ARHGEF28: variants seen among roughly 807,000 people sequenced by gnomAD.
ARHGEF28 encodes the protein Rho guanine nucleotide exchange factor 28, also known as 190 kDa guanine nucleotide exchange factor.
Under a neutral mutation model 206.6 loss-of-function variants are expected in ARHGEF28, and 152 were observed. The observed-to-expected ratio is 0.74, with a 90% CI of 0.64 to 0.84. The LOEUF is 0.84. ARHGEF28 is among the 40% of genes least tolerant of loss of function. The probability of loss-of-function intolerance (pLI) is 0.00; values close to 1 mark genes in which losing one functional copy is unlikely to be tolerated. For missense variants in ARHGEF28, 2,028 were observed against 2,073.2 expected, an observed-to-expected ratio of 0.98 and a Z score of 0.42; for synonymous variants, 763 against 776.4, an observed-to-expected ratio of 0.98 and a Z score of 0.29.
intron 9 of ARHGEF28, among the ~76,000 whole-genome samples, chr5:73,808,238 A>G (rs1483591260): frequency 6.6e-6 from 1 of 152,120 alleles, no homozygotes; most frequent in Admixed American, 6.5e-5. Flanking sequence ...TCTGTAAAAA[A>G]TAAAAAGTGC....
chr5:73,738,850 A>G (rs1456187350), intron 2 of ARHGEF28, among the ~76,000 whole-genome samples: 1 of 152,220 alleles, frequency 6.6e-6, no homozygotes, highest in Admixed American at 6.5e-5. Flanking sequence ...ATTTGACATA[A>G]ATCTGTAGAC....
intron 9 of ARHGEF28, chr5:73,813,631 T>C: frequency 6.5e-7 from 1 of 1,535,900 alleles, no homozygotes; most frequent in South Asian, 1.2e-5. Flanking sequence ...CTCGTGGCCT[T>C]CCTTTCCCAA....
chr5:73,674,762 G>A (rs895344336), intron 1 of ARHGEF28, among the ~76,000 whole-genome samples: 6 of 152,164 alleles, frequency 3.9e-5, no homozygotes, highest in Non-Finnish European at 8.8e-5. Context: ...GATCACAAAT[G>A]GCCAATGATG....
intron 7 of ARHGEF28, among the ~76,000 whole-genome samples, chr5:73,792,149 A>G (rs1389589898): frequency 6.6e-6 from 1 of 152,232 alleles, no homozygotes; most frequent in Non-Finnish European, 1.5e-5. Flanking sequence ...ATATTTTTAA[A>G]TGATTTTTGG....
rs576864804 is a variant in ARHGEF28 at position 73,809,982 on chromosome 5, A to G, written c.1024+14591A>G. On this transcript the variant is annotated intron_variant, in intron 9 of 35. Transcript: ENST00000513042. The stretch of plus-strand genomic sequence containing the variant: ...GAGATGTAAATAGCATCTTGAATTA[A>G]TTTAAATGCAATTATATTGATAAAC... Among the ~76,000 whole-genome samples, 6 of 152,350 alleles carry G rather than the reference A, an allele frequency of 3.9e-5. No homozygotes were observed. The South Asian group carries it at 1.2e-3, about 32-fold the overall frequency.
intron 35 of ARHGEF28, among the ~76,000 whole-genome samples, chr5:73,939,223 G>A (rs1392198040): frequency 6.6e-6 from 1 of 152,184 alleles, no homozygotes; most frequent in Non-Finnish European, 1.5e-5. Flanking sequence ...CCTGTAAATT[G>A]TGGGTTTTAG....
chr5:73,914,001 A>G (rs1763064719), intron 35 of ARHGEF28, among the ~76,000 whole-genome samples: 1 of 152,194 alleles, frequency 6.6e-6, no homozygotes, highest in Non-Finnish European at 1.5e-5. Context: ...GGCTGATGGG[A>G]AAAATTGTAT....
Position 73,652,283 on chromosome 5 carries a change from A to T in ARHGEF28, c.-12+25961A>T, listed in dbSNP as rs145845288. On this transcript the variant is annotated intron_variant, in intron 1 of 35. Transcript: ENST00000513042. Reference sequence around the variant, plus strand: ...AATGGCAACTAAAAGTCTGATGAGGAGTTTAGAACTAGCAGAAAATTCTTA... The same window carrying T: ...AATGGCAACTAAAAGTCTGATGAGGTGTTTAGAACTAGCAGAAAATTCTTA... 3.2e-3 allele frequency among the ~76,000 whole-genome samples: 494 copies of T among 152,316 alleles called. 5 individuals carry two copies. The highest frequency in any genetic ancestry group is 0.011 in the African/African-American group (474 of 41,556).
intron 6 of ARHGEF28, among the ~76,000 whole-genome samples, chr5:73,778,708 TG>T (rs1397798956): frequency 6.6e-6 from 1 of 152,224 alleles, no homozygotes; most frequent in Non-Finnish European, 1.5e-5. Context: ...CTAAATTTTT[TG>T]TGATGCATAT....
At chr5:73,655,172 C>G (rs954116741) in intron 1 of ARHGEF28, among the ~76,000 whole-genome samples, 1 of 152,182 alleles carries the variant, frequency 6.6e-6, no homozygotes, top group Non-Finnish European at 1.5e-5. Flanking sequence ...ACAATGTGCT[C>G]AATTCTATGG....
At chr5:73,785,539 A>G (rs1362042458) in intron 7 of ARHGEF28, among the ~76,000 whole-genome samples, 1 of 152,140 alleles carries the variant, frequency 6.6e-6, no homozygotes. Context: ...CAGATCATTC[A>G]TGCCTCCCTC....
intron 9 of ARHGEF28, chr5:73,813,396 G>C (rs1755964341): frequency 8.7e-7 from 1 of 1,151,698 alleles, no homozygotes; most frequent in African/African-American, 1.6e-5. Flanking sequence ...CCTCCTTGTC[G>C]GTCTACACGC....
chr5:73,839,925 C>T (rs1031740522), intron 10 of ARHGEF28, among the ~76,000 whole-genome samples: 1 of 152,122 alleles, frequency 6.6e-6, no homozygotes, highest in African/African-American at 2.4e-5. Flanking sequence ...TTGAATGAAG[C>T]TGTATAGTCT....
chr5:73,810,022 C>G lies in ARHGEF28; in HGVS notation c.1024+14631C>G, dbSNP rs76134854. Among the ~76,000 whole-genome samples, 1,267 of 151,964 alleles carry G rather than the reference C, an allele frequency of 8.3e-3. 16 individuals are homozygous for G. Among genetic ancestry groups the G allele is most frequent in the East Asian group, 0.03 (157 of 5,174 alleles). On this transcript the variant is annotated intron_variant, in intron 9 of 35. Transcript: ENST00000513042. ...TATTGATAAACTACAGAAAAAAAAC[C>G]CACTTCAATTACTATAGAAAACAAG...
At chr5:73,934,152 A>G (rs2112039502) in intron 35 of ARHGEF28, among the ~76,000 whole-genome samples, 1 of 152,312 alleles carries the variant, frequency 6.6e-6, no homozygotes, top group South Asian at 2.1e-4. Context: ...AGACAGGTTC[A>G]ATTATTTTCT....
intron 2 of ARHGEF28, among the ~76,000 whole-genome samples, chr5:73,730,274 C>T (rs988991386): frequency 5.3e-5 from 8 of 151,930 alleles, no homozygotes; most frequent in African/African-American, 1.7e-4. Flanking sequence ...ATCTGTGACC[C>T]GCAGAGAAGT....
chr5:73,757,052 A>T (rs1477259330), intron 4 of ARHGEF28, among the ~76,000 whole-genome samples: 1 of 152,052 alleles, frequency 6.6e-6, no homozygotes, highest in Non-Finnish European at 1.5e-5. Flanking sequence ...ACTAATCTTG[A>T]GCTGTTTTGG....
intron 35 of ARHGEF28, among the ~76,000 whole-genome samples, chr5:73,928,182 G>A (rs923796087): frequency 6.6e-6 from 1 of 152,178 alleles, no homozygotes; most frequent in Non-Finnish European, 1.5e-5. Flanking sequence ...ACTTCGGGAG[G>A]CCGAGGCCAG....
At chr5:73,777,687 T>C (rs986663994) in intron 6 of ARHGEF28, among the ~76,000 whole-genome samples, 2 of 152,178 alleles carry the variant, frequency 1.3e-5, no homozygotes, top group East Asian at 3.9e-4. Flanking sequence ...TGCTGGGTTT[T>C]AGGGAATTTG....
Sources: allele counts gnomAD v4.1 joint callset (sites outside exome capture counted in the v4.1 genomes callset), GRCh38; gene constraint gnomAD v4.1.1; transcripts MANE v1.5; gene names NCBI Gene and HGNC (gene_info 2026-07-23, HGNC 2026-07-21).